Variants in EMX1 observed in about 807,000 individuals in gnomAD.
The protein encoded by EMX1 is homeobox protein EMX1.
A neutral mutation model predicts 20.1 loss-of-function variants in EMX1; 10 were observed. That is an observed-to-expected ratio of 0.50 (90% CI 0.31 to 0.84). The LOEUF is 0.84. EMX1 is among the 40% of genes least tolerant of loss of function. The pLI, the probability that EMX1 is intolerant of heterozygous loss-of-function variation, is 0.05. For missense variants in EMX1, 424 were observed against 431.9 expected, an observed-to-expected ratio of 0.98 and a Z score of 0.16; for synonymous variants, 250 against 200.4, an observed-to-expected ratio of 1.25 and a Z score of -2.09.
intron 1 of EMX1, chr2:72,924,019 C>T (rs1187828012): frequency 9.4e-6 from 5 of 532,164 alleles, no homozygotes; most frequent in Admixed American, 3.2e-5. Flanking sequence ...ACGCCTCGTC[C>T]GGCCTGCCCC....
chr2:72,926,971 A>G (rs1671215748), intron 2 of EMX1, among the ~76,000 whole-genome samples: 1 of 152,134 alleles, frequency 6.6e-6, no homozygotes, highest in African/African-American at 2.4e-5. Context: ...GTCAAGCATC[A>G]GTCACCCCCA....
intron 1 of EMX1, among the ~76,000 whole-genome samples, 190 bp downstream of exon 1, chr2:72,918,562 C>CT (rs1671040776): frequency 6.6e-6 from 1 of 152,268 alleles, no homozygotes; most frequent in Non-Finnish European, 1.5e-5. Flanking sequence ...GTAGGTCTCC[C>CT]TCCCAGGAAA....
At chr2:72,924,976 G>A (rs1671170328) in intron 2 of EMX1, among the ~76,000 whole-genome samples, 1 of 152,376 alleles carries the variant, frequency 6.6e-6, no homozygotes, top group East Asian at 1.9e-4. Context: ...CGGGGCCTTG[G>A]CTGCCCACCA....
chr2:72,923,872 C>T (rs1355048675), intron 1 of EMX1: 2 of 264,956 alleles, frequency 7.5e-6, no homozygotes, highest in Non-Finnish European at 1.5e-5. Context: ...GCTTTGCGAC[C>T]AGTTAACTGA....
At chr2:72,916,673 G>A, upstream of EMX1, 3 of 715,866 alleles carry the variant, frequency 4.2e-6, no homozygotes, top group Non-Finnish European at 7.8e-6. Flanking sequence ...CGGCTGGCGT[G>A]TTCTCTTGAG....
intron 2 of EMX1, among the ~76,000 whole-genome samples, chr2:72,927,037 C>T (rs1671217253): frequency 6.6e-6 from 1 of 152,174 alleles, no homozygotes; most frequent in African/African-American, 2.4e-5. Flanking sequence ...CTCCAGAGCT[C>T]TCTAATCTGT....
In EMX1 at chr2:72,934,037, C is replaced by T. The variant is rs1671327082; in HGVS notation, c.*83C>T. On this transcript the variant is annotated 3_prime_UTR_variant, in exon 3 of 3. Coordinates refer to ENST00000258106, the MANE Select transcript of EMX1 (RefSeq NM_004097.3). The stretch of plus-strand genomic sequence containing the variant: ...GCGTGGGCCCAAGCTGGACTCTGGC[C>T]ACTCCCTGGCCAGGCTTTGGGGAGG... 4 of 1,557,406 alleles carry T rather than the reference C, an allele frequency of 2.6e-6. No homozygotes were observed. The South Asian group carries it at 3.6e-5, about 14-fold the overall frequency.
intron 2 of EMX1, chr2:72,925,875 G>A (rs1671192782): frequency 1.0e-6 from 1 of 985,402 alleles, no homozygotes; most frequent in African/African-American, 1.7e-5. Context: ...GGACCCGTGC[G>A]TTTTCAGATG....
intron 1 of EMX1, among the ~76,000 whole-genome samples, chr2:72,918,630 G>C (rs942741320): frequency 6.6e-6 from 1 of 152,256 alleles, no homozygotes; most frequent in African/African-American, 2.4e-5. Context: ...GCAAGCCCAG[G>C]CGCGTCCTCG....
At chr2:72,919,208 C>CAT (rs1383313933) in intron 1 of EMX1, among the ~76,000 whole-genome samples, 1 of 151,984 alleles carries the variant, frequency 6.6e-6, no homozygotes, top group Non-Finnish European at 1.5e-5. Flanking sequence ...CACACACACA[C>CAT]ACACACACAC....
chr2:72,919,180 T>TACAC (rs70963149), intron 1 of EMX1, among the ~76,000 whole-genome samples: 15,361 of 142,454 alleles, frequency 0.11, 877 homozygotes, highest in African/African-American at 0.15. Context: ...CCACTGGCCC[T>TACAC]ACACACACAC....
chr2:72,925,436 C>T (rs1165917513), intron 2 of EMX1: 6 of 1,287,118 alleles, frequency 4.7e-6, no homozygotes, highest in Non-Finnish European at 6.1e-6. Context: ...TTGGTCCACC[C>T]AGGTCCGACG....
chr2:72,918,655 C>T (rs554228058), intron 1 of EMX1, among the ~76,000 whole-genome samples: 2 of 152,220 alleles, frequency 1.3e-5, no homozygotes, highest in Non-Finnish European at 2.9e-5. Context: ...CTGTGCTGGC[C>T]CTCGCCACAG....
intron 1 of EMX1, among the ~76,000 whole-genome samples, chr2:72,919,294 GGAGT>G (rs1311513695): frequency 1.3e-5 from 2 of 151,136 alleles, no homozygotes; most frequent in Non-Finnish European, 2.9e-5. Flanking sequence ...GAAATTTGTT[GGAGT>G]TTGTTTTTTT....
chr2:72,922,733 A>C (rs1434325129), intron 1 of EMX1, among the ~76,000 whole-genome samples: 1 of 152,266 alleles, frequency 6.6e-6, no homozygotes, highest in Admixed American at 6.5e-5. Context: ...ACAGAGGGAC[A>C]AGAACAGTTA....
Position 72,930,450 on chromosome 2 carries a change from C to T in EMX1, c.706-3337C>T, listed in dbSNP as rs561324416. On this transcript the variant is annotated intron_variant, in intron 2 of 2. Coordinates refer to ENST00000258106, the MANE Select transcript of EMX1 (RefSeq NM_004097.3). This position sits in a 1 kb window ranked among gnomAD's most constrained non-coding sequence, Gnocchi z 4.4. The stretch of plus-strand genomic sequence containing the variant: ...AATGGAGACTTTTGGAAGGATGTGG[C>T]CTCTGAGAAACTGAGATGTTCACTT... Among the ~76,000 whole-genome samples the T allele has an allele frequency of 1.3e-5, 2 of 152,104 alleles. No homozygotes were observed. The highest frequency in any genetic ancestry group is 2.9e-5 in the Non-Finnish European group (2 of 68,026).
chr2:72,929,636 G>T (rs1671253343), intron 2 of EMX1, among the ~76,000 whole-genome samples: 7 of 152,214 alleles, frequency 4.6e-5, no homozygotes, highest in Admixed American at 4.6e-4. Flanking sequence ...GTGTGCAGGG[G>T]CCTGGAGCCA....
chr2:72,924,095 T>C (rs756189532), intron 1 of EMX1: 2 of 628,340 alleles, frequency 3.2e-6, no homozygotes, highest in Non-Finnish European at 5.7e-6. Context: ...GGAGTGGCTC[T>C]CGAGTGCGGG....
At chr2:72,917,239 TG>T, upstream of EMX1, among the ~76,000 whole-genome samples, 1 of 152,076 alleles carries the variant, frequency 6.6e-6, no homozygotes, top group East Asian at 1.9e-4. Flanking sequence ...AGGGGAGGGT[TG>T]GAGTTTAGCC....
Sources: allele counts gnomAD v4.1 joint callset (sites outside exome capture counted in the v4.1 genomes callset), GRCh38; gene constraint gnomAD v4.1.1; non-coding constraint Gnocchi (gnomAD v3.1); transcripts MANE v1.5; gene names NCBI Gene and HGNC (gene_info 2026-07-23, HGNC 2026-07-21).